Variants in CENPU observed in about 807,000 individuals in gnomAD.
The protein encoded by CENPU is KSHV latent nuclear antigen interacting protein 1.
In CENPU, 46 loss-of-function variants were observed where a neutral mutation model predicts 56.7. The observed-to-expected ratio is 0.81, with a 90% CI of 0.64 to 1.04. The LOEUF (loss-of-function observed/expected upper bound fraction) is 1.04. CENPU is among the 50% of genes least tolerant of loss of function. The pLI is 0.00. For missense variants in CENPU, 510 were observed against 490.1 expected (o/e 1.04, Z -0.38); for synonymous variants, 166 against 163.0 (o/e 1.02, Z -0.14).
At chr4:184,724,321 C>T (rs1040716672) in intron 4 of CENPU, among the ~76,000 whole-genome samples, 1 of 152,114 alleles carries the variant, frequency 6.6e-6, no homozygotes, top group Admixed American at 6.5e-5. Flanking sequence ...TTGATACTTG[C>T]TAAATACATT....
intron 4 of CENPU, among the ~76,000 whole-genome samples, chr4:184,723,210 C>G (rs1761336420): frequency 6.6e-6 from 1 of 152,038 alleles, no homozygotes; most frequent in Admixed American, 6.5e-5. Flanking sequence ...GTAAAGATCT[C>G]TAAGATGTAG....
At position 184,714,370 on chromosome 4, in the gene CENPU, G is replaced by A. The variant is rs920918793; in HGVS notation, c.619-1357C>T. ...GGGACAGGTAAAAGACTATAGAGCT[G>A]CTGCTTCTCATACTTTTCTTAAAAA... On this transcript the variant is annotated intron_variant, in intron 6 of 12. Transcript: ENST00000281453. 8.5e-5 allele frequency among the ~76,000 whole-genome samples: 13 copies of A among 152,220 alleles called. No homozygotes were observed. In the East Asian group the frequency reaches 2.5e-3, roughly 29 times the overall value.
intron 8 of CENPU, among the ~76,000 whole-genome samples, chr4:184,704,158 C>A (rs1472155815): frequency 6.6e-6 from 1 of 152,006 alleles, no homozygotes. Flanking sequence ...TGGCTCACTG[C>A]AGCCTCAAAC....
chr4:184,722,159 TAAG>T (rs1295871756), intron 4 of CENPU, among the ~76,000 whole-genome samples: 2 of 152,022 alleles, frequency 1.3e-5, no homozygotes, highest in African/African-American at 4.8e-5. Flanking sequence ...ATTAAGAGAT[TAAG>T]AAGGAAGCTG....
At chr4:184,726,085 T>C (rs1052726886) in intron 3 of CENPU, among the ~76,000 whole-genome samples, 11 of 152,324 alleles carry the variant, frequency 7.2e-5, no homozygotes, top group African/African-American at 2.6e-4. Context: ...AACAGCTGCT[T>C]AAATAATGAA....
chr4:184,728,829 A>G, intron 3 of CENPU, 89 bp downstream of exon 3: 1 of 930,934 alleles, frequency 1.1e-6, no homozygotes. Flanking sequence ...ACTAATTTTT[A>G]TATTTGAAGA....
At chr4:184,711,512 C>T (rs1760924414) in intron 7 of CENPU, among the ~76,000 whole-genome samples, 1 of 152,064 alleles carries the variant, frequency 6.6e-6, no homozygotes, top group South Asian at 2.1e-4. Flanking sequence ...TGAACTTATA[C>T]CTCCTATCTA....
intron 10 of CENPU, 22 bp from the exon 11 acceptor site, chr4:184,700,903 G>A: frequency 6.3e-7 from 1 of 1,592,646 alleles, no homozygotes; most frequent in African/African-American, 1.3e-5. Flanking sequence ...AATCATTTGT[G>A]TTAAAATTAA....
intron 2 of CENPU, among the ~76,000 whole-genome samples, chr4:184,730,278 C>T (rs992189330): frequency 6.6e-6 from 1 of 152,094 alleles, no homozygotes; most frequent in Non-Finnish European, 1.5e-5. Flanking sequence ...GGGAGCAGAG[C>T]GCTGAGCAAA....
intron 3 of CENPU, among the ~76,000 whole-genome samples, chr4:184,726,190 G>GA (rs1761445335): frequency 6.6e-6 from 1 of 152,066 alleles, no homozygotes; most frequent in African/African-American, 2.4e-5. Flanking sequence ...TGAATAACAA[G>GA]GGGGGAAAAA....
intron 1 of CENPU, among the ~76,000 whole-genome samples, chr4:184,733,018 G>A (rs1022859144): frequency 4.6e-5 from 7 of 151,072 alleles, no homozygotes; most frequent in Non-Finnish European, 7.4e-5. Flanking sequence ...TCTGTTGTAT[G>A]TGCGTAAGTG....
At position 184,710,317 on chromosome 4, in the gene CENPU, C is replaced by T. The variant is rs756165901; in HGVS notation, c.689-137G>A. 1.9e-4 allele frequency: 102 copies of T among 540,744 alleles called. 1 individual carries two copies. The Middle Eastern group carries it at 2.9e-3, about 16-fold the overall frequency. The allele number at this position is 540,744 out of a possible 1,614,324, so 33.5% of individuals were successfully genotyped here. Reference sequence around the variant, plus strand: ...AGCTGAACAATCAGAGAGGAGGTGCCGTACTCACTTCTTATCCCTGTGCAC... The same window carrying T: ...AGCTGAACAATCAGAGAGGAGGTGCTGTACTCACTTCTTATCCCTGTGCAC... On this transcript the variant is annotated intron_variant, in intron 7 of 12. Coordinates refer to ENST00000281453, the MANE Select transcript of CENPU (RefSeq NM_024629.4).
chr4:184,695,680 G>C (rs1180049830), intron 12 of CENPU, among the ~76,000 whole-genome samples: 2 of 152,120 alleles, frequency 1.3e-5, no homozygotes, highest in African/African-American at 4.8e-5. Flanking sequence ...TCTATTACTG[G>C]AGACAGGAAA....
intron 4 of CENPU, among the ~76,000 whole-genome samples, chr4:184,719,151 A>G (rs1761191502): frequency 6.6e-6 from 1 of 151,912 alleles, no homozygotes; most frequent in South Asian, 2.1e-4. Context: ...CACCAAGTTT[A>G]ACAACTATCT....
Position 184,725,038 on chromosome 4 carries a change from A to G in CENPU, c.239T>C (p.Ile80Thr). ...GGAGAATTCTTCTTCATCAGCATAT[A>G]TAGCTGTGCTATGTAAAGGAGGATC... Reference protein sequence around the residue: ...TFDPPLHSTAIYADEEEFSKH... With the variant: ...TFDPPLHSTATYADEEEFSKH... The change falls in exon 4 of 13, where the codon ATA (isoleucine) becomes ACA (threonine). Residue 80 changes from isoleucine (I) to threonine (T), a missense_variant. Transcript: ENST00000281453. The G allele has an allele frequency of 6.2e-7, 1 of 1,610,994 alleles. No homozygotes were observed. Among genetic ancestry groups the G allele is most frequent in the Non-Finnish European group, 8.5e-7 (1 of 1,178,370 alleles).
At chr4:184,723,841 C>CAAAAA (rs11299367) in intron 4 of CENPU, among the ~76,000 whole-genome samples, 9 of 58,436 alleles carry the variant, frequency 1.5e-4, no homozygotes, top group Admixed American at 2.3e-4. Flanking sequence ...GACTCCATCT[C>CAAAAA]AAAAAAAAAA....
At chr4:184,696,457 A>T (rs963999270) in intron 12 of CENPU, among the ~76,000 whole-genome samples, 1 of 152,198 alleles carries the variant, frequency 6.6e-6, no homozygotes, top group Non-Finnish European at 1.5e-5. Flanking sequence ...TATTATGTTC[A>T]AGCTGAATCA....
At chr4:184,705,661 A>G (rs1760702773) in intron 8 of CENPU, among the ~76,000 whole-genome samples, 1 of 152,266 alleles carries the variant, frequency 6.6e-6, no homozygotes, top group East Asian at 1.9e-4. Flanking sequence ...ATCCATGTTC[A>G]TAGCAACATT....
rs1360161957 is a variant in CENPU, at chr4:184,694,727, G to A, written c.*561C>T. On this transcript the variant is annotated 3_prime_UTR_variant, in exon 13 of 13. Coordinates refer to ENST00000281453, the MANE Select transcript of CENPU (RefSeq NM_024629.4). ...GAGAACAGTCTTCTCAGTTATAACA[G>A]TGAAGTGGATGAAATTCCTGATGAA... The A allele has an allele frequency of 1.2e-6, 2 of 1,612,772 alleles. No homozygotes were observed. Among genetic ancestry groups the A allele is most frequent in the Non-Finnish European group, 1.7e-6 (2 of 1,178,722 alleles).
Sources: gnomAD v4.1 joint callset for allele counts (sites outside exome capture counted in the v4.1 genomes callset) on GRCh38, gnomAD v4.1.1 for gene constraint, MANE v1.5 for transcripts, NCBI Gene and HGNC (gene_info 2026-07-23, HGNC 2026-07-21) for gene names.